The following IARS2 variants were observed in gnomAD, a reference collection of about 807,000 sequenced individuals.
IARS2 encodes the protein isoleucyl-tRNA synthetase 2, mitochondrial, also known as isoleucine--tRNA ligase, mitochondrial.
A neutral mutation model predicts 126.3 loss-of-function variants in IARS2; 56 were observed. The ratio of observed to expected loss-of-function variants is 0.44; its 90% confidence interval spans 0.36 to 0.55. The LOEUF is 0.55. Among genes scored for constraint, IARS2 ranks in the 20% least tolerant of loss-of-function variants. The pLI is 0.00. For missense variants in IARS2, 1,127 were observed against 1,245.9 expected (o/e 0.90, Z 1.44); for synonymous variants, 407 against 441.1 (o/e 0.92, Z 0.97).
At chr1:220,118,887 A>T (rs1021743875) in intron 12 of IARS2, among the ~76,000 whole-genome samples, 5 of 152,200 alleles carry the variant, frequency 3.3e-5, no homozygotes, top group Non-Finnish European at 7.4e-5. Context: ...TTAAAACATA[A>T]ATCTAGGATT....
intron 18 of IARS2, among the ~76,000 whole-genome samples, chr1:220,139,806 C>T (rs1657451323): frequency 6.6e-6 from 1 of 152,074 alleles, no homozygotes; most frequent in South Asian, 2.1e-4. Flanking sequence ...TTAGTGTACC[C>T]TTAAGTCAGA....
rs772692964 is a variant in IARS2 at position 220,102,423 on chromosome 1, A to C, written c.749+11A>C. ...GTCTCCGTCATCTAGGTATATATGC[A>C]TTTTTCGGTAATTAAAAGGGAGAAA... On this transcript the variant is annotated intron_variant, in intron 5 of 22. Transcript: ENST00000366922. The C allele has an allele frequency of 4.3e-6, 7 of 1,613,256 alleles. No homozygotes were observed. The highest frequency in any genetic ancestry group is 5.9e-6 in the Non-Finnish European group (7 of 1,179,672).
At chr1:220,098,990 A>G (rs558104419) in intron 2 of IARS2, among the ~76,000 whole-genome samples, 15 of 152,122 alleles carry the variant, frequency 9.9e-5, no homozygotes, top group East Asian at 9.7e-4. Flanking sequence ...AGGCGGGCAG[A>G]TCATCAGGTC....
chr1:220,095,522 A>C (rs1235157111), intron 1 of IARS2, among the ~76,000 whole-genome samples: 1 of 152,258 alleles, frequency 6.6e-6, no homozygotes. Flanking sequence ...TGCCAGAAAG[A>C]GTGACAGTTT....
chr1:220,096,521 G>A (rs951776793), intron 2 of IARS2, among the ~76,000 whole-genome samples: 4 of 152,136 alleles, frequency 2.6e-5, no homozygotes, highest in Admixed American at 6.6e-5. Context: ...TGTCTTGGCC[G>A]GGCAGTATGG....
At chr1:220,095,938 C>T (rs1375909351) in intron 1 of IARS2, among the ~76,000 whole-genome samples, 166 bp from the exon 2 acceptor site, 3 of 151,982 alleles carry the variant, frequency 2.0e-5, no homozygotes, top group African/African-American at 7.2e-5. Context: ...TACTTTGACA[C>T]GCATTTCAGA....
chr1:220,118,285 C>A, intron 12 of IARS2: 1 of 409,224 alleles, frequency 2.4e-6, no homozygotes, highest in South Asian at 1.9e-5. Flanking sequence ...GGGAGCTGTA[C>A]GATATCTCTA....
chr1:220,096,383 TA>T (rs572690107), intron 2 of IARS2, among the ~76,000 whole-genome samples, 157 bp downstream of exon 2: 46 of 152,148 alleles, frequency 3.0e-4, no homozygotes, highest in South Asian at 1.2e-3. Flanking sequence ...TAGTACTGCA[TA>T]AAAAAAATTG....
intron 8 of IARS2, among the ~76,000 whole-genome samples, 193 bp from the exon 9 acceptor site, chr1:220,105,697 AG>A (rs376352707): frequency 2.6e-3 from 396 of 152,346 alleles, no homozygotes; most frequent in African/African-American, 9.0e-3. Flanking sequence ...AAACCCTCTG[AG>A]GTGGGAACCA....
rs370710001 is a variant in IARS2 at position 220,117,785 on chromosome 1, A to G, written c.1640+3311A>G. 4 of 462,934 alleles carry G rather than the reference A, an allele frequency of 8.6e-6. 1 individual carries two copies. Among genetic ancestry groups the G allele is most frequent in the African/African-American group, 2.0e-5 (1 of 49,510 alleles). 28.7% of individuals were successfully genotyped at this position (462,934 alleles called of 1,614,324 possible). On this transcript the variant is annotated intron_variant, in intron 12 of 22. Transcript: ENST00000366922. Reference sequence around the variant, plus strand: ...TATTTACTCAATACATTTACATGGTAGTGTTACAGATTATCTTCTGTGTAC... The same window carrying G: ...TATTTACTCAATACATTTACATGGTGGTGTTACAGATTATCTTCTGTGTAC...
At chr1:220,095,086 T>C (rs956830758) in intron 1 of IARS2, among the ~76,000 whole-genome samples, 1 of 152,228 alleles carries the variant, frequency 6.6e-6, no homozygotes. Flanking sequence ...TCGCCCAGGC[T>C]GGAGTGCAAT....
intron 1 of IARS2, 117 bp from the exon 2 acceptor site, chr1:220,095,972 TGAGTAGATTGGAATG>T (rs1251605491): frequency 3.5e-6 from 2 of 575,698 alleles, no homozygotes; most frequent in Admixed American, 6.2e-5. Context: ...ATTTCAGAGT[TGAGTAGATTGGAATG>T]GAATAGATTG....
intron 12 of IARS2, among the ~76,000 whole-genome samples, chr1:220,123,600 G>A (rs892804472): frequency 6.6e-6 from 1 of 151,884 alleles, no homozygotes; most frequent in South Asian, 2.1e-4. Context: ...CAGCCTCCCA[G>A]GTAGCTGGGA....
intron 14 of IARS2, among the ~76,000 whole-genome samples, chr1:220,128,753 C>T (rs999826529): frequency 5.3e-5 from 8 of 152,164 alleles, no homozygotes; most frequent in Non-Finnish European, 8.8e-5. Flanking sequence ...AGAATTAATG[C>T]TGCTACCATT....
chr1:220,095,134 G>T lies in IARS2; in HGVS notation c.267+651G>T, dbSNP rs545608547. 3.9e-5 allele frequency among the ~76,000 whole-genome samples: 6 copies of T among 152,282 alleles called. No homozygotes were observed. The East Asian group carries it at 1.2e-3, about 29-fold the overall frequency. ...GCTCACTACAACTTCCGCCTCCCAG[G>T]CTCAGGCAATTCTCCTGCCTTAGCC... On this transcript the variant is annotated intron_variant, in intron 1 of 22. Coordinates refer to ENST00000366922, the MANE Select transcript of IARS2 (RefSeq NM_018060.4).
rs762184151 is a variant in IARS2 at position 220,134,415 on chromosome 1, A to T, written c.1851A>T (p.Arg617Ser). 4.4e-6 allele frequency: 7 copies of T among 1,604,348 alleles called. No homozygotes were observed. The highest frequency in any genetic ancestry group is 6.0e-6 in the Non-Finnish European group (7 of 1,176,208). The change falls in exon 15 of 23, where the codon AGA becomes AGT. Residue 617 changes from arginine to serine, a missense_variant. Transcript: ENST00000366922. The part of the protein sequence containing the change: ...WSYVLPGPDQ[R>S]ADLYLEGKDQ... ...CTTAATTTTGAGGTCCTGACCAAAG[A>T]GCAGATTTGTACTTGGAAGGAAAAG...
chr1:220,126,467 T>C (rs1657159011), intron 13 of IARS2, among the ~76,000 whole-genome samples: 1 of 152,156 alleles, frequency 6.6e-6, no homozygotes, highest in South Asian at 2.1e-4. Context: ...AGTTAGCTGA[T>C]TGTATCACAC....
Position 220,139,097 on chromosome 1 carries a change from A to G in IARS2, c.2265A>G (p.Ile755Met). The stretch of plus-strand genomic sequence containing the variant: ...TCCCTGTAAACGATATGTATGTCAT[A>G]GACCAGTACATGCTACACTTACTGC... The part of the protein sequence containing the change: ...DSIPVNDMYV[I>M]DQYMLHLLQD... The change falls in exon 18 of 23, where the codon ATA becomes ATG. Residue 755 changes from isoleucine to methionine, a missense_variant. By Grantham distance (10) the Ile-to-Met change is conservative (BLOSUM62 1). Coordinates refer to ENST00000366922, the MANE Select transcript of IARS2 (RefSeq NM_018060.4). The G allele has an allele frequency of 6.2e-7, 1 of 1,612,702 alleles. No individual in the cohort carries two copies. Among genetic ancestry groups the G allele is most frequent in the Non-Finnish European group, 8.5e-7 (1 of 1,178,888 alleles).
At chr1:220,117,244 T>TGTA (rs1656934474) in intron 12 of IARS2, among the ~76,000 whole-genome samples, 1 of 140,220 alleles carries the variant, frequency 7.1e-6, no homozygotes, top group South Asian at 2.3e-4. Context: ...TAGGCTGGAG[T>TGTA]GTAGTGGCAC....
Sources: allele counts gnomAD v4.1 joint callset (sites outside exome capture counted in the v4.1 genomes callset), GRCh38; gene constraint gnomAD v4.1.1; transcripts MANE v1.5; gene names NCBI Gene and HGNC (gene_info 2026-07-23, HGNC 2026-07-21).